Variants in STXBP5L observed in about 807,000 individuals in gnomAD.
STXBP5L encodes the protein syntaxin binding protein 5L.
In STXBP5L, 65 loss-of-function variants were observed where a neutral mutation model predicts 144.5. The ratio of observed to expected loss-of-function variants is 0.45; its 90% CI spans 0.37 to 0.55. STXBP5L has a LOEUF of 0.55. STXBP5L is among the 20% of genes least tolerant of loss of function. STXBP5L has a pLI of 0.00. For missense variants in STXBP5L, 1,298 were observed against 1,405.5 expected (o/e 0.92, Z 1.22); for synonymous variants, 505 against 469.6 (o/e 1.08, Z -0.97).
intron 3 of STXBP5L, among the ~76,000 whole-genome samples, chr3:121,029,031 G>A (rs1052498250): frequency 2.0e-5 from 3 of 152,084 alleles, no homozygotes; most frequent in Non-Finnish European, 2.9e-5. Context: ...AATAAGAGAG[G>A]ACACAAACAA....
intron 3 of STXBP5L, among the ~76,000 whole-genome samples, chr3:120,991,714 A>C (rs11915201): frequency 0.12 from 18,258 of 152,164 alleles, 1,154 homozygotes; most frequent in Non-Finnish European, 0.14. Context: ...CACAAGGACA[A>C]AAAACCAAAC....
intron 20 of STXBP5L, among the ~76,000 whole-genome samples, chr3:121,350,969 A>G (rs1229338014): frequency 6.6e-6 from 1 of 152,110 alleles, no homozygotes; most frequent in African/African-American, 2.4e-5. Context: ...CGTCAAAATC[A>G]TTCTCTGTCC....
At chr3:120,929,466 G>T (rs1709809556) in intron 2 of STXBP5L, among the ~76,000 whole-genome samples, 1 of 151,746 alleles carries the variant, frequency 6.6e-6, no homozygotes, top group Admixed American at 6.6e-5. Context: ...CTTTTTGGTT[G>T]TTAAGGATTT....
At chr3:121,228,951 G>A (rs2049213256) in intron 11 of STXBP5L, among the ~76,000 whole-genome samples, 1 of 152,166 alleles carries the variant, frequency 6.6e-6, no homozygotes, top group Non-Finnish European at 1.5e-5. Flanking sequence ...TTTAAACTTT[G>A]TATCAGTGTA....
At chr3:121,350,823 G>A (rs1411848455) in intron 20 of STXBP5L, among the ~76,000 whole-genome samples, 2 of 152,024 alleles carry the variant, frequency 1.3e-5, no homozygotes, top group Non-Finnish European at 2.9e-5. Context: ...GGTCCTTTAA[G>A]GACTTCTCTC....
chr3:121,131,689 TA>T (rs1345796697), intron 7 of STXBP5L, among the ~76,000 whole-genome samples: 1 of 152,156 alleles, frequency 6.6e-6, no homozygotes, highest in African/African-American at 2.4e-5. Context: ...GAGTGATAAC[TA>T]AACCTAATAA....
At chr3:121,262,315 T>C (rs1029842369) in intron 18 of STXBP5L, among the ~76,000 whole-genome samples, 3 of 152,222 alleles carry the variant, frequency 2.0e-5, no homozygotes. Flanking sequence ...ACTCAAAAGT[T>C]TAACGTTCAA....
intron 20 of STXBP5L, among the ~76,000 whole-genome samples, chr3:121,349,812 T>A (rs935874584): frequency 1.3e-5 from 2 of 152,244 alleles, no homozygotes; most frequent in African/African-American, 4.8e-5. Context: ...ATTTGCTTGG[T>A]AGATCTTCCT....
rs147663509 is a variant in STXBP5L at position 121,027,776 on chromosome 3, C to T, written c.288-13924C>T. 1.6e-3 allele frequency among the ~76,000 whole-genome samples: 238 copies of T among 152,204 alleles called. 1 individual carries two copies. The highest frequency in any genetic ancestry group is 5.6e-3 in the African/African-American group (231 of 41,542). ...ATCTGCAACCTTAATTTCACCTTGT[C>T]ATGTAACATAACATATTCAAAGGTT... On this transcript the variant is annotated intron_variant, in intron 3 of 26. Transcript: ENST00000471454.
At position 121,259,182 on chromosome 3, in the gene STXBP5L, CT is replaced by C; in HGVS notation, c.1958+20del. 1 of 1,519,884 alleles carries C rather than the reference CT, an allele frequency of 6.6e-7. No individual in the cohort carries two copies. The highest frequency in any genetic ancestry group is 1.9e-5 in the Admixed American group (1 of 51,482). The allele number at this position is 1,519,884 out of a possible 1,614,324, so 94.1% of individuals were successfully genotyped here. ...AGCATATGGAATGTAAGTAATTAAA[CT>C]TTTTTATGATATGTATTATTTAGCT... is the stretch of plus-strand genomic sequence containing the variant. On this transcript the variant is annotated intron_variant, in intron 18 of 26. Transcript: ENST00000471454.
At chr3:121,074,768 T>A (rs140633486) in intron 5 of STXBP5L, among the ~76,000 whole-genome samples, 155 of 152,286 alleles carry the variant, frequency 1.0e-3, no homozygotes, top group African/African-American at 3.4e-3. Flanking sequence ...CGTGCCCCCT[T>A]ACGGTGTAAA....
At chr3:121,170,643 G>T (rs1048221052) in intron 9 of STXBP5L, among the ~76,000 whole-genome samples, 6 of 152,002 alleles carry the variant, frequency 3.9e-5, no homozygotes. Context: ...CTAAACCAGG[G>T]AGAAGTCCAA....
At chr3:121,379,832 T>A (rs1037443951) in intron 21 of STXBP5L, among the ~76,000 whole-genome samples, 1 of 152,076 alleles carries the variant, frequency 6.6e-6, no homozygotes, top group Non-Finnish European at 1.5e-5. Context: ...AGTAGCCCCC[T>A]TTTAATTTTT....
chr3:121,042,390 A>G (rs910410811), intron 4 of STXBP5L, among the ~76,000 whole-genome samples: 1 of 152,162 alleles, frequency 6.6e-6, no homozygotes, highest in Non-Finnish European at 1.5e-5. Context: ...CATTAGTAGA[A>G]GGCTACTTTA....
intron 7 of STXBP5L, among the ~76,000 whole-genome samples, chr3:121,133,474 T>C (rs150257894): frequency 4.6e-5 from 7 of 152,156 alleles, no homozygotes; most frequent in Non-Finnish European, 7.4e-5. Flanking sequence ...AGTGGTGCAA[T>C]ATATTCACAT....
intron 20 of STXBP5L, among the ~76,000 whole-genome samples, chr3:121,377,233 C>T (rs1172432619): frequency 3.9e-5 from 6 of 152,112 alleles, no homozygotes; most frequent in Non-Finnish European, 8.8e-5. Context: ...TTTCTCTTTC[C>T]TGATTGCCCT....
intron 20 of STXBP5L, among the ~76,000 whole-genome samples, chr3:121,374,522 A>T (rs2046126942): frequency 6.6e-6 from 1 of 152,226 alleles, no homozygotes; most frequent in African/African-American, 2.4e-5. Context: ...AAGGAAATCT[A>T]GCAAGATACA....
chr3:121,089,808 T>C (rs2042690065), intron 5 of STXBP5L, among the ~76,000 whole-genome samples: 1 of 152,098 alleles, frequency 6.6e-6, no homozygotes, highest in African/African-American at 2.4e-5. Flanking sequence ...ATAAATATTA[T>C]TACATCCTCT....
chr3:121,192,694 C>G (rs149678588), intron 9 of STXBP5L, among the ~76,000 whole-genome samples: 1 of 152,182 alleles, frequency 6.6e-6, no homozygotes, highest in Non-Finnish European at 1.5e-5. Flanking sequence ...TCATCTTCAA[C>G]AAACCTGACA....
Sources: gnomAD v4.1 joint callset for allele counts (sites outside exome capture counted in the v4.1 genomes callset) on GRCh38, gnomAD v4.1.1 for gene constraint, MANE v1.5 for transcripts, NCBI Gene and HGNC (gene_info 2026-07-23, HGNC 2026-07-21) for gene names.